Variants in UBE2D2 observed in about 807,000 individuals in gnomAD.
The protein encoded by UBE2D2 is ubiquitin conjugating enzyme E2 D2.
Under a neutral mutation model 24.2 loss-of-function variants are expected in UBE2D2, and 2 were observed. The ratio of observed to expected loss-of-function variants is 0.08; its 90% CI spans 0.03 to 0.26. The LOEUF is 0.26. Among genes scored for constraint, UBE2D2 ranks in the 10% least tolerant of loss-of-function variants. The pLI is 1.00. For synonymous variants in UBE2D2, 58 were observed against 56.5 expected (o/e 1.03, Z -0.12); for missense variants, 44 against 177.6 (o/e 0.25, Z 4.28).
chr5:139,563,431 T>TA (rs1753151570), intron 1 of UBE2D2, among the ~76,000 whole-genome samples: 4 of 152,118 alleles, frequency 2.6e-5, no homozygotes, highest in Admixed American at 2.6e-4. Flanking sequence ...AAAGATGTCT[T>TA]AAAGAACCGT....
At chr5:139,577,995 C>T (rs1486064467) in intron 1 of UBE2D2, among the ~76,000 whole-genome samples, 2 of 152,192 alleles carry the variant, frequency 1.3e-5, no homozygotes, top group Non-Finnish European at 2.9e-5. Context: ...CCCTTTTCCT[C>T]GCATTTCAGT....
At chr5:139,550,405 A>G (rs1752894803) in intron 1 of UBE2D2, among the ~76,000 whole-genome samples, 1 of 152,150 alleles carries the variant, frequency 6.6e-6, no homozygotes, top group Non-Finnish European at 1.5e-5. Context: ...AAACAGACCA[A>G]TCAGCTGTCT....
chr5:139,622,607 A>G (rs964155531), intron 5 of UBE2D2, among the ~76,000 whole-genome samples: 1 of 147,014 alleles, frequency 6.8e-6, no homozygotes, highest in Non-Finnish European at 1.5e-5. Flanking sequence ...CCTTGTTGGT[A>G]GGCTGGGTGC....
At chr5:139,619,797 A>T (rs906595377) in intron 5 of UBE2D2, among the ~76,000 whole-genome samples, 6 of 152,002 alleles carry the variant, frequency 3.9e-5, no homozygotes, top group Non-Finnish European at 7.4e-5. Flanking sequence ...CGGGAGGCGG[A>T]GGTTGCAGGA....
In UBE2D2 at chr5:139,548,783, T is replaced by G. The variant is rs1403826441; in HGVS notation, c.-64+22171T>G. 3.3e-5 allele frequency among the ~76,000 whole-genome samples: 5 copies of G among 152,118 alleles called. No individual in the cohort carries two copies. In the East Asian group the frequency reaches 9.6e-4, roughly 29 times the overall value. On this transcript the variant is annotated intron_variant, in intron 1 of 6. Transcript: ENST00000511725. ...AGAAGTCAAGTAACTTGTCCAAACT[T>G]CACAGTATGGCCTAATAAATAGCAG...
Position 139,620,138 on chromosome 5 carries a change from G to A in UBE2D2, c.305-3230G>A, listed in dbSNP as rs9324838. Among the ~76,000 whole-genome samples, 483 of 152,192 alleles carry A rather than the reference G, an allele frequency of 3.2e-3. 1 individual carries two copies. The highest frequency in any genetic ancestry group is 0.011 in the African/African-American group (461 of 41,502). ...AAGGATACACCCCCATAATCCAGTC[G>A]CCTCCCACCAGGCCCCACCTCCAAC... On this transcript the variant is annotated intron_variant, in intron 5 of 6. Transcript: ENST00000398733.
At chr5:139,562,466 T>C in intron 1 of UBE2D2, 3 of 1,275,412 alleles carry the variant, frequency 2.4e-6, no homozygotes, top group East Asian at 5.6e-5. Context: ...TTGAGGTTGC[T>C]GTATGTAGTT....
chr5:139,585,376 G>A (rs1475076637), intron 1 of UBE2D2, among the ~76,000 whole-genome samples: 25 of 151,754 alleles, frequency 1.6e-4, no homozygotes, highest in South Asian at 2.1e-4. Context: ...CCACATCCCC[G>A]CTAATTTTTG....
rs779527253 is a variant in UBE2D2, at chr5:139,614,560, G to A, written c.89-26G>A. 3.1e-6 allele frequency: 5 copies of A among 1,611,974 alleles called. No homozygotes were observed. The South Asian group carries it at 5.5e-5, about 18-fold the overall frequency. On this transcript the variant is annotated intron_variant, in intron 2 of 6. Coordinates refer to ENST00000398733, the MANE Select transcript of UBE2D2 (RefSeq NM_003339.3). Reference sequence around the variant, plus strand: ...GATACAATGTAGATATTGTTACATGGTGACTTTTTTCTTGTTATTTTTCAG... The same window carrying A: ...GATACAATGTAGATATTGTTACATGATGACTTTTTTCTTGTTATTTTTCAG...
intron 1 of UBE2D2, among the ~76,000 whole-genome samples, chr5:139,540,435 A>T (rs1366217908): frequency 6.6e-6 from 1 of 151,054 alleles, no homozygotes; most frequent in Non-Finnish European, 1.5e-5. Context: ...AGTCTCAGCT[A>T]CTCGGGAGGC....
At chr5:139,606,030 A>G (rs1314979344) in intron 2 of UBE2D2, among the ~76,000 whole-genome samples, 17 of 152,112 alleles carry the variant, frequency 1.1e-4, no homozygotes, top group African/African-American at 3.6e-4. Flanking sequence ...GCTGCGAGCT[A>G]CCGCACCCAG....
intron 1 of UBE2D2, among the ~76,000 whole-genome samples, chr5:139,530,495 AG>A (rs1464440852): frequency 1.3e-5 from 2 of 152,220 alleles, no homozygotes; most frequent in Non-Finnish European, 2.9e-5. Flanking sequence ...AAGGCTCATG[AG>A]GATATCGAAC....
chr5:139,544,840 G>A lies in UBE2D2; in HGVS notation c.-64+18228G>A, dbSNP rs182508442. ...TTGCCAGGCTGGAGTGCAGTGGCGC[G>A]ATCTCGGCTCACTGCAACCTCTGCC... On this transcript the variant is annotated intron_variant, in intron 1 of 6. Coordinates refer to the UBE2D2 transcript ENST00000511725. Among the ~76,000 whole-genome samples, 41 of 151,272 alleles carry A rather than the reference G, an allele frequency of 2.7e-4. 1 individual carries two copies. The highest frequency in any genetic ancestry group is 9.0e-4 in the African/African-American group (37 of 41,174).
At chr5:139,589,404 A>G (rs58026164) in intron 1 of UBE2D2, among the ~76,000 whole-genome samples, 12 of 152,148 alleles carry the variant, frequency 7.9e-5, no homozygotes, top group African/African-American at 1.9e-4. Context: ...AACAAACAGT[A>G]CAAAAATTTG....
At chr5:139,578,791 A>G (rs1016453703) in intron 1 of UBE2D2, among the ~76,000 whole-genome samples, 2 of 152,168 alleles carry the variant, frequency 1.3e-5, no homozygotes, top group Non-Finnish European at 2.9e-5. Context: ...TGGCTGCAGT[A>G]TCAGAGAATG....
chr5:139,622,506 G>A (rs1321868138), intron 5 of UBE2D2, among the ~76,000 whole-genome samples: 1 of 149,976 alleles, frequency 6.7e-6, no homozygotes, highest in Non-Finnish European at 1.5e-5. Flanking sequence ...GCCTCCCAAA[G>A]TGCTGGGATT....
intron 1 of UBE2D2, among the ~76,000 whole-genome samples, chr5:139,581,171 G>A (rs952318002): frequency 6.6e-6 from 1 of 152,130 alleles, no homozygotes; most frequent in African/African-American, 2.4e-5. Context: ...AAAGTAGACT[G>A]GGCGTGGTGG....
chr5:139,609,815 A>G (rs1243356603), intron 2 of UBE2D2, among the ~76,000 whole-genome samples: 1 of 142,192 alleles, frequency 7.0e-6, no homozygotes. Flanking sequence ...ACTGTTGCCC[A>G]GGCTGGAGTG....
intron 1 of UBE2D2, 52 bp downstream of exon 1, chr5:139,561,867 C>T (rs762600437): frequency 2.1e-6 from 3 of 1,440,502 alleles, no homozygotes; most frequent in Non-Finnish European, 2.7e-6. Flanking sequence ...AGGCTGCGGC[C>T]TGCACTTCCC....
Sources: gnomAD v4.1 joint callset for allele counts (sites outside exome capture counted in the v4.1 genomes callset) on GRCh38, gnomAD v4.1.1 for gene constraint, MANE v1.5 for transcripts, NCBI Gene and HGNC (gene_info 2026-07-23, HGNC 2026-07-21) for gene names.